The following FRAS1 variants were observed in gnomAD, a reference collection of about 807,000 sequenced individuals.
FRAS1 encodes the protein extracellular matrix organizing protein FRAS1.
A neutral mutation model predicts 435.2 loss-of-function variants in FRAS1; 290 were observed. That is an observed-to-expected ratio of 0.67 (90% confidence interval 0.61 to 0.73). The LOEUF is 0.73. Among genes scored for constraint, FRAS1 ranks in the 30% least tolerant of loss-of-function variants. The pLI is 0.00. For synonymous variants in FRAS1, 1,800 were observed against 1,851.0 expected, an observed-to-expected ratio of 0.97 and a Z score of 0.71; for missense variants, 4,860 against 5,001.5, an observed-to-expected ratio of 0.97 and a Z score of 0.85.
At chr4:78,399,051 C>T (rs1311839330) in intron 29 of FRAS1, among the ~76,000 whole-genome samples, 1 of 152,030 alleles carries the variant, frequency 6.6e-6, no homozygotes, top group African/African-American at 2.4e-5. Flanking sequence ...AGCCTTTTCC[C>T]TCAGAATTCT....
chr4:78,412,554 TTATA>T (rs1733383731), intron 31 of FRAS1, among the ~76,000 whole-genome samples: 2 of 152,268 alleles, frequency 1.3e-5, no homozygotes, highest in South Asian at 4.2e-4. Flanking sequence ...TAATAAGACA[TTATA>T]TAGTTCTCAA....
At chr4:78,405,435 A>T (rs1048138335) in intron 30 of FRAS1, among the ~76,000 whole-genome samples, 1 of 152,196 alleles carries the variant, frequency 6.6e-6, no homozygotes. Context: ...CAAATAAGTT[A>T]TAATACAAGA....
chr4:78,512,071 G>A (rs1356113461), intron 64 of FRAS1, among the ~76,000 whole-genome samples: 2 of 152,082 alleles, frequency 1.3e-5, no homozygotes, highest in Admixed American at 6.5e-5. Flanking sequence ...CATCTAAGAG[G>A]CACTCCTAAA....
intron 2 of FRAS1, among the ~76,000 whole-genome samples, chr4:78,133,225 G>A (rs115976616): frequency 6.6e-6 from 1 of 152,328 alleles, no homozygotes; most frequent in Non-Finnish European, 1.5e-5. Flanking sequence ...CAACATGTAT[G>A]GAACTGGAGG....
chr4:78,503,345 G>A (rs1476006772), intron 61 of FRAS1, among the ~76,000 whole-genome samples: 1 of 152,174 alleles, frequency 6.6e-6, no homozygotes, highest in African/African-American at 2.4e-5. Flanking sequence ...TCTGGTCCTG[G>A]ACTTTTTTTG....
At chr4:78,235,699 A>G (rs866624526) in intron 2 of FRAS1, among the ~76,000 whole-genome samples, 2 of 152,246 alleles carry the variant, frequency 1.3e-5, no homozygotes, top group South Asian at 2.1e-4. Context: ...CTGTAGGCCC[A>G]GCACTTTGGA....
intron 34 of FRAS1, among the ~76,000 whole-genome samples, chr4:78,423,329 GCTAA>G (rs1206266806): frequency 5.9e-5 from 9 of 151,976 alleles, no homozygotes; most frequent in Non-Finnish European, 1.2e-4. Flanking sequence ...ACCACACCCG[GCTAA>G]GTTTTGTATT....
chr4:78,417,661 C>T (rs1733605314), intron 32 of FRAS1, among the ~76,000 whole-genome samples: 1 of 152,196 alleles, frequency 6.6e-6, no homozygotes, highest in Non-Finnish European at 1.5e-5. Flanking sequence ...CCTGCAAATT[C>T]TGCCTCTCCC....
intron 6 of FRAS1, among the ~76,000 whole-genome samples, chr4:78,262,252 G>T (rs1726147654): frequency 6.6e-6 from 1 of 152,054 alleles, no homozygotes; most frequent in African/African-American, 2.4e-5. Context: ...CTTTACACCG[G>T]GGCACTCTCC....
At chr4:78,276,378 G>T (rs530582676) in intron 9 of FRAS1, among the ~76,000 whole-genome samples, 3 of 152,190 alleles carry the variant, frequency 2.0e-5, no homozygotes. Flanking sequence ...TCCTTTGGAG[G>T]GGTAGAGGTG....
chr4:78,357,796 A>C (rs1250821589), intron 20 of FRAS1, among the ~76,000 whole-genome samples: 2 of 152,152 alleles, frequency 1.3e-5, no homozygotes, highest in Non-Finnish European at 2.9e-5. Flanking sequence ...CCAGCTACTC[A>C]AGAGAATGAA....
At position 78,315,712 on chromosome 4, in the gene FRAS1, T is replaced by C; in HGVS notation, c.1797T>C (p.Ala599=). 2.5e-6 allele frequency: 4 copies of C among 1,613,996 alleles called. No homozygotes were observed. Among genetic ancestry groups the C allele is most frequent in the Non-Finnish European group, 3.4e-6 (4 of 1,179,876 alleles). The change falls in exon 16 of 74, where the codon GCT becomes GCC. Residue 599 remains alanine (A), a synonymous_variant. Coordinates refer to ENST00000512123, the MANE Select transcript of FRAS1 (RefSeq NM_025074.7). ...CTGAATGCCCTGGCGGGTACTATGCTGATGCCACTGGCAGGTGCAAAGGTA... is the reference window on the plus strand; with the variant it reads ...CTGAATGCCCTGGCGGGTACTATGCCGATGCCACTGGCAGGTGCAAAGGTA... ...CMSECPGGYY[A]DATGRCKVCH... is the part of the protein sequence containing the mutation.
chr4:78,506,513 C>T (rs1208662792), intron 61 of FRAS1, among the ~76,000 whole-genome samples: 2 of 149,636 alleles, frequency 1.3e-5, no homozygotes, highest in Admixed American at 6.6e-5. Context: ...CAGGCTGCTG[C>T]GCTAGCAGCG....
chr4:78,075,469 CA>C (rs1740592428), intron 2 of FRAS1, among the ~76,000 whole-genome samples: 1 of 152,136 alleles, frequency 6.6e-6, no homozygotes, highest in African/African-American at 2.4e-5. Context: ...CAGCCAGCAG[CA>C]GTCGACCCAA....
At chr4:78,155,471 A>G (rs1720846407) in intron 2 of FRAS1, among the ~76,000 whole-genome samples, 1 of 152,232 alleles carries the variant, frequency 6.6e-6, no homozygotes, top group Admixed American at 6.5e-5. Context: ...AACAAAATCT[A>G]AAGGGAGAGA....
At position 78,172,181 on chromosome 4, in the gene FRAS1, T is replaced by C. The variant is rs60216923; in HGVS notation, c.109-65329T>C. On this transcript the variant is annotated intron_variant, in intron 2 of 73. Coordinates refer to ENST00000512123, the MANE Select transcript of FRAS1 (RefSeq NM_025074.7). ...TATCTGCGTGCTTGTATTAGGCCTG[T>C]TGCAGACTGCACATTCCTTGCCCTT... 4.8e-3 allele frequency among the ~76,000 whole-genome samples: 735 copies of C among 152,218 alleles called. 9 individuals carry two copies. Among genetic ancestry groups the C allele is most frequent in the African/African-American group, 0.016 (680 of 41,556 alleles).
intron 41 of FRAS1, among the ~76,000 whole-genome samples, chr4:78,444,866 A>G (rs1718742436): frequency 6.6e-6 from 1 of 152,178 alleles, no homozygotes; most frequent in African/African-American, 2.4e-5. Context: ...CCTGAGCATC[A>G]TAGTATCTGA....
At chr4:78,326,114 A>C (rs1729707596) in intron 18 of FRAS1, among the ~76,000 whole-genome samples, 1 of 147,266 alleles carries the variant, frequency 6.8e-6, no homozygotes, top group Non-Finnish European at 1.5e-5. Context: ...AAAAGATTTT[A>C]AGTAGGGAAA....
chr4:78,413,202 T>A, intron 32 of FRAS1, 117 bp downstream of exon 32: 1 of 552,674 alleles, frequency 1.8e-6, no homozygotes, highest in Non-Finnish European at 3.1e-6. Context: ...GATCACAGAC[T>A]TGGGGGCCAA....
Sources: gnomAD v4.1 joint callset for allele counts (sites outside exome capture counted in the v4.1 genomes callset) on GRCh38, gnomAD v4.1.1 for gene constraint, MANE v1.5 for transcripts, NCBI Gene and HGNC (gene_info 2026-07-23, HGNC 2026-07-21) for gene names.